The following CCDC18 variants were observed in gnomAD, a reference collection of about 807,000 sequenced individuals.
The protein encoded by CCDC18 is coiled-coil domain containing 18, also known as coiled-coil domain-containing protein 18.
Under a neutral mutation model 196.0 loss-of-function variants are expected in CCDC18, and 157 were observed. The observed-to-expected ratio is 0.80, with a 90% CI of 0.70 to 0.91. The LOEUF is 0.91. CCDC18 is among the 40% of genes least tolerant of loss of function. The pLI, the probability that CCDC18 is intolerant of heterozygous loss-of-function variation, is 0.00. For synonymous variants in CCDC18, 482 were observed against 529.2 expected, an observed-to-expected ratio of 0.91 and a Z score of 1.22; for missense variants, 1,465 against 1,611.6, an observed-to-expected ratio of 0.91 and a Z score of 1.56.
intron 28 of CCDC18, 77 bp downstream of exon 28, chr1:93,270,891 T>C: frequency 7.2e-7 from 1 of 1,384,250 alleles, no homozygotes; most frequent in Non-Finnish European, 9.5e-7. Context: ...AGAAAATTCA[T>C]ATATTTAAAT....
chr1:93,227,990 T>A (rs190606651), intron 17 of CCDC18, among the ~76,000 whole-genome samples: 7,415 of 120,834 alleles, frequency 0.061, 284 homozygotes, highest in South Asian at 0.13. Flanking sequence ...ATATATATAT[T>A]TATTTATATT....
At chr1:93,183,087 A>G (rs1001963487) in intron 1 of CCDC18, among the ~76,000 whole-genome samples, 3 of 152,166 alleles carry the variant, frequency 2.0e-5, no homozygotes, top group African/African-American at 7.2e-5. Flanking sequence ...AATTGTTAGG[A>G]AGATCAGGTA....
At chr1:93,229,727 G>A (rs1658948672) in intron 17 of CCDC18, among the ~76,000 whole-genome samples, 1 of 152,124 alleles carries the variant, frequency 6.6e-6, no homozygotes, top group Admixed American at 6.5e-5. Flanking sequence ...TATTTATGAT[G>A]AAAATAATAC....
chr1:93,197,745 C>CCT (rs1191423560), intron 6 of CCDC18, among the ~76,000 whole-genome samples: 4 of 76,010 alleles, frequency 5.3e-5, no homozygotes, highest in Admixed American at 3.8e-4. Context: ...CTTTTCTTTT[C>CCT]TTTTTTTTTT....
intron 13 of CCDC18, 110 bp from the exon 14 acceptor site, chr1:93,217,628 G>A (rs1255725086): frequency 2.8e-5 from 23 of 830,064 alleles, no homozygotes; most frequent in South Asian, 4.2e-5. Context: ...TCATAGAGAC[G>A]GGGTCTTGCC....
chr1:93,274,607 G>A (rs1412935418), intron 28 of CCDC18, among the ~76,000 whole-genome samples: 1 of 151,970 alleles, frequency 6.6e-6, no homozygotes, highest in Non-Finnish European at 1.5e-5. Context: ...CACTTTGGGA[G>A]GCCAAGCAGG....
chr1:93,264,664 T>C (rs779300263), intron 26 of CCDC18, 37 bp from the exon 27 acceptor site: 20 of 1,283,158 alleles, frequency 1.6e-5, no homozygotes, highest in Non-Finnish European at 2.2e-5. Context: ...CTTCCATTTT[T>C]TTATTTTTTT....
chr1:93,256,367 T>C lies in CCDC18; in HGVS notation c.3375T>C (p.Thr1125=). The change falls in exon 25 of 29, where the codon ACT becomes ACC. Residue 1125 remains threonine, a synonymous_variant. Coordinates refer to ENST00000690025, the MANE Select transcript of CCDC18 (RefSeq NM_001378204.1). ...AAGAGCAAGAACAGTACATTGCCACTCAGTACAAGGAGGCCATAGATTTGG... is the reference window on the plus strand; with the variant it reads ...AAGAGCAAGAACAGTACATTGCCACCCAGTACAAGGAGGCCATAGATTTGG... ...VMKEQEQYIA[T]QYKEAIDLGQ... 6.2e-7 allele frequency: 1 copy of C among 1,614,054 alleles called. No individual in the cohort carries two copies. Among genetic ancestry groups the C allele is most frequent in the Non-Finnish European group, 8.5e-7 (1 of 1,179,984 alleles).
At chr1:93,188,869 A>G (rs1651204813) in intron 4 of CCDC18, among the ~76,000 whole-genome samples, 1 of 152,148 alleles carries the variant, frequency 6.6e-6, no homozygotes, top group African/African-American at 2.4e-5. Flanking sequence ...GTAGGCGTAT[A>G]TATTTCTGGA....
chr1:93,247,514 A>T (rs1396252054), intron 23 of CCDC18, among the ~76,000 whole-genome samples: 1 of 152,090 alleles, frequency 6.6e-6, no homozygotes. Context: ...TCCCAAGCTC[A>T]GGTGATCCCT....
intron 17 of CCDC18, among the ~76,000 whole-genome samples, chr1:93,227,431 G>C (rs1189244200): frequency 6.6e-6 from 1 of 151,770 alleles, no homozygotes; most frequent in African/African-American, 2.4e-5. Context: ...GCCTCCCAAA[G>C]TGTTGGGATT....
intron 16 of CCDC18, 37 bp downstream of exon 16, chr1:93,221,973 T>A: frequency 1.1e-6 from 1 of 876,802 alleles, no homozygotes; most frequent in Non-Finnish European, 1.6e-6. Flanking sequence ...TTTCTTTCCT[T>A]TTTTTTTTTT....
chr1:93,189,818 A>G (rs530910638), intron 4 of CCDC18, among the ~76,000 whole-genome samples: 284 of 152,032 alleles, frequency 1.9e-3, no homozygotes, highest in African/African-American at 6.7e-3. Flanking sequence ...ACGTGCCACC[A>G]TGCCTGGCTA....
At chr1:93,264,177 G>A (rs1218127383) in intron 26 of CCDC18, among the ~76,000 whole-genome samples, 1 of 152,116 alleles carries the variant, frequency 6.6e-6, no homozygotes, top group Admixed American at 6.6e-5. Flanking sequence ...TCACTATCAT[G>A]AGAACAGCAT....
chr1:93,275,841 G>A (rs1160632570), intron 28 of CCDC18, among the ~76,000 whole-genome samples: 8 of 152,208 alleles, frequency 5.3e-5, no homozygotes, highest in Non-Finnish European at 1.0e-4. Context: ...TTATCTGCCA[G>A]TTCAAATTTA....
At chr1:93,251,898 CCAATA>C (rs1231188357) in intron 23 of CCDC18, among the ~76,000 whole-genome samples, 1 of 151,390 alleles carries the variant, frequency 6.6e-6, no homozygotes, top group Non-Finnish European at 1.5e-5. Context: ...CTTTTTAACT[CCAATA>C]ATTCAAAGAT....
intron 28 of CCDC18, among the ~76,000 whole-genome samples, chr1:93,274,938 AC>A (rs1665549063): frequency 1.3e-5 from 2 of 152,176 alleles, no homozygotes; most frequent in Non-Finnish European, 2.9e-5. Flanking sequence ...ATGATACTCT[AC>A]TGAGTTTTAA....
chr1:93,258,225 T>C (rs1362477895), intron 25 of CCDC18, among the ~76,000 whole-genome samples: 1 of 152,068 alleles, frequency 6.6e-6, no homozygotes, highest in African/African-American at 2.4e-5. Context: ...AAAATGTTCA[T>C]GACTTACTTA....
At chr1:93,223,890 CATTT>C (rs112623319) in intron 16 of CCDC18, among the ~76,000 whole-genome samples, 101 of 118,368 alleles carry the variant, frequency 8.5e-4, no homozygotes, top group African/African-American at 2.3e-3. Flanking sequence ...GTTTTGATTT[CATTT>C]ATTTATACAC....
Sources: gnomAD v4.1 joint callset for allele counts (sites outside exome capture counted in the v4.1 genomes callset) on GRCh38, gnomAD v4.1.1 for gene constraint, MANE v1.5 for transcripts, NCBI Gene and HGNC (gene_info 2026-07-23, HGNC 2026-07-21) for gene names.